DRC11L: variants seen among roughly 807,000 people sequenced by gnomAD.
The protein encoded by DRC11L is dynein regulatory complex subunit like-11.
chr7:151,194,285 T>C, the DRC11L span: 2 of 399,100 alleles, frequency 5.0e-6, no homozygotes, highest in Admixed American at 4.4e-5. Context: ...CAAAGCCACA[T>C]TCTGTCGTAT....
chr7:151,197,154 C>G, the DRC11L span: 1 of 399,694 alleles, frequency 2.5e-6, no homozygotes. Context: ...CGAGTTCCCC[C>G]ACACCTTCTC....
At chr7:151,193,905 T>TC in the DRC11L span, among the ~76,000 whole-genome samples, 1 of 126,334 alleles carries the variant, frequency 7.9e-6, no homozygotes, top group East Asian at 2.6e-4. Context: ...AGACTCTATC[T>TC]CAAAAAAAAA....
chr7:151,193,588 G>T, the DRC11L span: 4 of 398,596 alleles, frequency 1.0e-5, no homozygotes, highest in African/African-American at 6.2e-5. Flanking sequence ...GCCTAGGGCT[G>T]GGGGAGGAGG....
chr7:151,199,347 C>T, the DRC11L span, among the ~76,000 whole-genome samples: 1 of 151,998 alleles, frequency 6.6e-6, no homozygotes, highest in African/African-American at 2.4e-5. The surrounding 1 kb of genome is among the most constrained non-coding windows in gnomAD (Gnocchi z 5.2). Flanking sequence ...GGCAGCCGCT[C>T]TCGCAGCCAC....
the DRC11L span, chr7:151,196,356 T>G: frequency 2.5e-6 from 1 of 398,252 alleles, no homozygotes; most frequent in Non-Finnish European, 4.4e-6. Flanking sequence ...GAGAAATGGG[T>G]GGGGAGGAGC....
the DRC11L span, chr7:151,204,925 G>C: frequency 2.5e-6 from 1 of 398,774 alleles, no homozygotes; most frequent in Non-Finnish European, 4.4e-6. Context: ...GTGTGGGCTC[G>C]GGGTACCAGA....
At chr7:151,191,515 C>T in the DRC11L span, 566 of 397,758 alleles carry the variant, frequency 1.4e-3, 10 homozygotes, top group East Asian at 0.019. Context: ...GAGCTCCACA[C>T]ACATTTCCAC....
At chr7:151,191,868 T>C in the DRC11L span, 1 of 399,014 alleles carries the variant, frequency 2.5e-6, no homozygotes, top group African/African-American at 2.1e-5. Flanking sequence ...ATCATACGCT[T>C]CCAGAGCACT....
At chr7:151,202,215 C>G in the DRC11L span, among the ~76,000 whole-genome samples, 487 of 152,264 alleles carry the variant, frequency 3.2e-3, 3 homozygotes, top group Non-Finnish European at 5.1e-3. Flanking sequence ...ATTAATTCAT[C>G]ATGATCAAGT....
chr7:151,201,813 A>G, the DRC11L span, among the ~76,000 whole-genome samples: 1 of 152,190 alleles, frequency 6.6e-6, no homozygotes, highest in Non-Finnish European at 1.5e-5. The surrounding 1 kb of genome is among the most constrained non-coding windows in gnomAD (Gnocchi z 4.1). Context: ...CGGTGGCCTT[A>G]GGGGCAGTGA....
At chr7:151,198,389 G>A in the DRC11L span, among the ~76,000 whole-genome samples, 1 of 152,178 alleles carries the variant, frequency 6.6e-6, no homozygotes, top group East Asian at 1.9e-4. Context: ...TGGATGGATG[G>A]ATAGGTAGAT....
At chr7:151,203,530 G>A in the DRC11L span, 7 of 398,940 alleles carry the variant, frequency 1.8e-5, no homozygotes, top group Admixed American at 1.8e-4. Context: ...GAGCAATGTT[G>A]GGGGAGGAGG....
At chr7:151,194,448 G>T in the DRC11L span, 1 of 399,076 alleles carries the variant, frequency 2.5e-6, no homozygotes, top group South Asian at 1.3e-4. Flanking sequence ...CGGGGCTGGT[G>T]GATGGGGGTA....
chr7:151,193,128 G>A, the DRC11L span: 11 of 397,644 alleles, frequency 2.8e-5, no homozygotes, highest in East Asian at 3.9e-4. Context: ...CACAGGGGCT[G>A]CAGGGGGAAC....
chr7:151,191,796 C>T, the DRC11L span: 15 of 399,080 alleles, frequency 3.8e-5, no homozygotes, highest in Non-Finnish European at 5.7e-5. Flanking sequence ...GTGTAGCCAT[C>T]GGAGACCTTG....
chr7:151,191,861 A>C, the DRC11L span: 1 of 399,152 alleles, frequency 2.5e-6, no homozygotes, highest in Non-Finnish European at 4.4e-6. Context: ...GGCCTCTATC[A>C]TACGCTTCCA....
chr7:151,195,774 A>T, the DRC11L span: 1 of 396,826 alleles, frequency 2.5e-6, no homozygotes. Flanking sequence ...GAGCCCAGTG[A>T]GCCCGATGAA....
the DRC11L span, chr7:151,202,872 G>T: frequency 2.5e-6 from 1 of 399,538 alleles, no homozygotes; most frequent in South Asian, 1.3e-4. Flanking sequence ...TGAATGAGGT[G>T]ACTCTACCCT....
At chr7:151,198,021 G>T in the DRC11L span, 4 of 291,650 alleles carry the variant, frequency 1.4e-5, no homozygotes, top group Non-Finnish European at 2.5e-5. Flanking sequence ...TGGACAGATG[G>T]ATAGATAGAT....
Sources: gnomAD v4.1 joint callset for allele counts (sites outside exome capture counted in the v4.1 genomes callset) on GRCh38, gnomAD v4.1.1 for gene constraint, Gnocchi (gnomAD v3.1) non-coding constraint, MANE v1.5 for transcripts, NCBI Gene and HGNC (gene_info 2026-07-23, HGNC 2026-07-21) for gene names.